The following HCN1 variants were observed in gnomAD, a reference collection of about 807,000 sequenced individuals.
HCN1 encodes the protein hyperpolarization activated cyclic nucleotide gated potassium channel 1.
A neutral mutation model predicts 78.9 loss-of-function variants in HCN1; 13 were observed. That is an observed-to-expected ratio of 0.16 (90% confidence interval 0.11 to 0.26). HCN1 has a LOEUF of 0.26. Among genes scored for constraint, HCN1 ranks in the 10% least tolerant of loss-of-function variants. The probability of loss-of-function intolerance (pLI) is 1.00; values close to 1 mark genes in which losing one functional copy is unlikely to be tolerated. For missense variants in HCN1, 810 were observed against 1,154.3 expected (o/e 0.70, Z 4.32); for synonymous variants, 552 against 455.5 (o/e 1.21, Z -2.70).
intron 1 of HCN1, among the ~76,000 whole-genome samples, chr5:45,660,669 A>G (rs1190561356): frequency 2.0e-5 from 3 of 146,796 alleles, no homozygotes; most frequent in Admixed American, 1.4e-4. Flanking sequence ...CTCTGATAAA[A>G]CAGACTTTAA....
chr5:45,365,173 C>A (rs187984164), intron 4 of HCN1, among the ~76,000 whole-genome samples: 1 of 151,738 alleles, frequency 6.6e-6, no homozygotes, highest in East Asian at 1.9e-4. Flanking sequence ...ATCATTTAAA[C>A]TCTTTTACAT....
intron 2 of HCN1, among the ~76,000 whole-genome samples, chr5:45,590,417 G>A (rs1246560251): frequency 1.3e-5 from 2 of 152,168 alleles, no homozygotes; most frequent in East Asian, 3.9e-4. Context: ...TGCTGCAGTG[G>A]AATGTTTGTG....
intron 1 of HCN1, among the ~76,000 whole-genome samples, chr5:45,666,265 C>G (rs758091583): frequency 3.9e-5 from 6 of 152,028 alleles, no homozygotes; most frequent in Non-Finnish European, 5.9e-5. Context: ...AAAACTGTTT[C>G]CTTAGCCAGC....
chr5:45,303,874 G>A (rs1579794155), intron 5 of HCN1, 35 bp from the exon 6 acceptor site: 1 of 1,570,912 alleles, frequency 6.4e-7, no homozygotes, highest in Non-Finnish European at 8.8e-7. Context: ...TATTAAGAGA[G>A]ATATTAATCA....
chr5:45,302,892 C>A (rs1190546677), intron 6 of HCN1, among the ~76,000 whole-genome samples: 1 of 151,952 alleles, frequency 6.6e-6, no homozygotes, highest in Admixed American at 6.6e-5. Context: ...TAAGAAGTAC[C>A]TTTTGCCTTC....
intron 3 of HCN1, among the ~76,000 whole-genome samples, chr5:45,445,265 A>G (rs917396262): frequency 2.0e-5 from 3 of 152,188 alleles, no homozygotes; most frequent in Admixed American, 2.0e-4. Flanking sequence ...TCCTACGCCC[A>G]GGTAGTCTCA....
At chr5:45,465,872 T>A (rs1293796892) in intron 2 of HCN1, among the ~76,000 whole-genome samples, 1 of 152,224 alleles carries the variant, frequency 6.6e-6, no homozygotes, top group Non-Finnish European at 1.5e-5. Flanking sequence ...ATTGTGCTGT[T>A]CATGTGACCT....
At chr5:45,665,079 A>G (rs1228371546) in intron 1 of HCN1, among the ~76,000 whole-genome samples, 11 of 151,464 alleles carry the variant, frequency 7.3e-5, no homozygotes. Context: ...CTGGATTAAG[A>G]AAATGTGGCA....
chr5:45,314,125 T>A (rs1235517937), intron 5 of HCN1, among the ~76,000 whole-genome samples: 1 of 152,122 alleles, frequency 6.6e-6, no homozygotes, highest in African/African-American at 2.4e-5. Flanking sequence ...AAGGTCGGGT[T>A]ACCCACAAAG....
At chr5:45,304,487 T>A (rs1365286390) in intron 5 of HCN1, among the ~76,000 whole-genome samples, 1 of 151,782 alleles carries the variant, frequency 6.6e-6, no homozygotes, top group East Asian at 2.0e-4. Context: ...ACCAGCCTGG[T>A]CAAGATAGTG....
intron 4 of HCN1, among the ~76,000 whole-genome samples, chr5:45,360,634 A>AT (rs778003462): frequency 3.3e-5 from 5 of 151,804 alleles, no homozygotes; most frequent in South Asian, 2.1e-4. Flanking sequence ...ATCTTTTAGA[A>AT]TTTTTTTTTC....
rs952846538 is a variant in HCN1 at position 45,345,443 on chromosome 5, A to C, written c.1377+7657T>G. Among the ~76,000 whole-genome samples, 4 of 152,238 alleles carry C rather than the reference A, an allele frequency of 2.6e-5. No homozygotes were observed. The East Asian group carries it at 7.7e-4, about 29-fold the overall frequency. ...CCAGAAAGTGGGCTTTTTCTTTTCTACTACATGGTCACGCTGCAAAATATT... is the reference window on the plus strand; with the variant it reads ...CCAGAAAGTGGGCTTTTTCTTTTCTCCTACATGGTCACGCTGCAAAATATT... On this transcript the variant is annotated intron_variant, in intron 5 of 7. Transcript: ENST00000303230.
chr5:45,696,111 G>A lies in HCN1; in HGVS notation c.-18C>T, dbSNP rs1740007908. The A allele has an allele frequency of 7.6e-7, 1 of 1,324,462 alleles. No homozygotes were observed. Among genetic ancestry groups the A allele is most frequent in the Non-Finnish European group, 9.8e-7 (1 of 1,024,970 alleles). The allele number at this position is 1,324,462 out of a possible 1,614,324, so 82.0% of individuals were successfully genotyped here. A position where few individuals can be genotyped will look rare whatever the true frequency, so the allele number is the denominator to read the frequency against. On this transcript the variant is annotated 5_prime_UTR_variant, in exon 1 of 8. Transcript: ENST00000303230. The stretch of plus-strand genomic sequence containing the variant: ...CCTTCCATGCCCGGAGGACGCGGCC[G>A]GCGACGGCGCGGGCTCCAGACTCGC...
At position 45,423,504 on chromosome 5, in the gene HCN1, C is replaced by G. The variant is rs953783; in HGVS notation, c.1012-26794G>C. On this transcript the variant is annotated intron_variant, in intron 3 of 7. Coordinates refer to ENST00000303230, the MANE Select transcript of HCN1 (RefSeq NM_021072.4). ...TAGACTTTCCTGCATCAGTGTTTCT[C>G]CTAAGGACTATTTTTGTTCACTACA... is the stretch of plus-strand genomic sequence containing the variant. Among the ~76,000 whole-genome samples, 153 of 152,294 alleles carry G rather than the reference C, an allele frequency of 1.0e-3. 1 individual carries two copies. The East Asian group carries it at 0.027, about 26-fold the overall frequency.
chr5:45,518,418 A>T (rs1742552440), intron 2 of HCN1, among the ~76,000 whole-genome samples: 1 of 152,000 alleles, frequency 6.6e-6, no homozygotes. Context: ...CAGCCTGATC[A>T]CAGGACTGGC....
intron 2 of HCN1, among the ~76,000 whole-genome samples, chr5:45,469,914 C>A (rs937023260): frequency 3.3e-5 from 5 of 151,828 alleles, no homozygotes; most frequent in African/African-American, 1.2e-4. Flanking sequence ...TGAGAGTGAG[C>A]CTTACATTGG....
At position 45,645,551 on chromosome 5, in the gene HCN1, T is replaced by G; in HGVS notation, c.483A>C (p.Pro161=). The G allele has an allele frequency of 6.2e-7, 1 of 1,610,710 alleles. No individual in the cohort carries two copies. The highest frequency in any genetic ancestry group is 8.5e-7 in the Non-Finnish European group (1 of 1,178,288). Residue 161 remains proline (P), a synonymous_variant, in exon 2 of 8, where the codon CCA becomes CCC. Transcript: ENST00000303230. ...IMMVGNLVII[P]VGITFFTEQT... ...GCTCTGTAAAGAATGTGATTCCAAC[T>G]GGTATGATGACTAGATTTCCAACCA...
In HCN1 at chr5:45,692,427, A is replaced by C. The variant is rs142455372; in HGVS notation, c.425+3242T>G. 1.1e-4 allele frequency among the ~76,000 whole-genome samples: 17 copies of C among 152,322 alleles called. 1 individual carries two copies. In the East Asian group the frequency reaches 3.3e-3, roughly 29 times the overall value. On this transcript the variant is annotated intron_variant, in intron 1 of 7. Transcript: ENST00000303230. ...TGTCACTACAGAAAAATCGAGCTAC[A>C]TTTGTTTTTAAGTAACTATCCCTAT...
At chr5:45,309,514 G>A (rs151259083) in intron 5 of HCN1, among the ~76,000 whole-genome samples, 412 of 152,176 alleles carry the variant, frequency 2.7e-3, no homozygotes, top group Non-Finnish European at 4.2e-3. Flanking sequence ...GTCATATATG[G>A]CTCTTATTAT....
Sources: allele counts gnomAD v4.1 joint callset (sites outside exome capture counted in the v4.1 genomes callset), GRCh38; gene constraint gnomAD v4.1.1; transcripts MANE v1.5; gene names NCBI Gene and HGNC (gene_info 2026-07-23, HGNC 2026-07-21).